UGT1A7: variants seen among roughly 807,000 people sequenced by gnomAD.
UGT1A7 encodes the protein UDP-glucuronosyltransferase 1A7.
In UGT1A7, 33 loss-of-function variants were observed where a neutral mutation model predicts 45.6. The observed-to-expected ratio is 0.72, with a 90% CI of 0.55 to 0.97. UGT1A7 has a LOEUF of 0.97. Among genes scored for constraint, UGT1A7 ranks in the 50% least tolerant of loss-of-function variants. The pLI is 0.00. For synonymous variants in UGT1A7, 274 were observed against 250.6 expected, an observed-to-expected ratio of 1.09 and a Z score of -0.88; for missense variants, 684 against 666.2, an observed-to-expected ratio of 1.03 and a Z score of -0.29.
At chr2:233,715,853 C>T (rs2076473292) in intron 1 of UGT1A7, among the ~76,000 whole-genome samples, 1 of 152,126 alleles carries the variant, frequency 6.6e-6, no homozygotes, top group Admixed American at 6.5e-5. Context: ...ATATGAAAAG[C>T]TGGGTGCAGT....
chr2:233,683,908 G>C (rs2074655994), intron 1 of UGT1A7, among the ~76,000 whole-genome samples: 1 of 152,088 alleles, frequency 6.6e-6, no homozygotes, highest in Admixed American at 6.6e-5. Context: ...TTTTGGCGGA[G>C]CATATAGTTC....
Position 233,682,564 on chromosome 2 carries a change from C to A in UGT1A7, c.627C>A (p.Asn209Lys), listed in dbSNP as rs780627101. The change falls in exon 1 of 5, where the codon AAC becomes AAA. Residue 209 changes from asparagine to lysine, a missense_variant. By Grantham distance (94) the Asn-to-Lys change is moderately conservative (BLOSUM62 0). Coordinates refer to ENST00000373426, the MANE Select transcript of UGT1A7 (RefSeq NM_019077.3). ...TGACTTTCAAGGAGAGAGTATGGAA[C>A]CACATCATGCACTTGGAGGAACATT... ...DAMTFKERVWNHIMHLEEHLF... is the reference protein window; with the variant it reads ...DAMTFKERVWKHIMHLEEHLF... 1 of 1,613,938 alleles carries A rather than the reference C, an allele frequency of 6.2e-7. No individual in the cohort carries two copies. The highest frequency in any genetic ancestry group is 1.7e-5 in the Admixed American group (1 of 60,016).
chr2:233,713,060 G>A (rs2076274457), intron 1 of UGT1A7: 1 of 1,614,168 alleles, frequency 6.2e-7, no homozygotes, highest in South Asian at 1.1e-5. Flanking sequence ...TCAGTGTCCA[G>A]CCCTGGGCTG....
intron 1 of UGT1A7, among the ~76,000 whole-genome samples, chr2:233,689,045 CTCT>C (rs2074924736): frequency 6.6e-6 from 1 of 152,196 alleles, no homozygotes; most frequent in Admixed American, 6.5e-5. Context: ...TACTTTATGT[CTCT>C]TCTGTATAAT....
At chr2:233,689,303 A>G (rs1203200538) in intron 1 of UGT1A7, among the ~76,000 whole-genome samples, 3 of 151,440 alleles carry the variant, frequency 2.0e-5, no homozygotes, top group Non-Finnish European at 4.4e-5. Context: ...CACCCAGCAC[A>G]GTAAGACCAA....
intron 1 of UGT1A7, among the ~76,000 whole-genome samples, chr2:233,727,126 AG>A (rs2077585315): frequency 1.3e-5 from 2 of 152,202 alleles, no homozygotes; most frequent in Non-Finnish European, 2.9e-5. Flanking sequence ...AGATTGGCAG[AG>A]GGGAACAAGA....
chr2:233,739,854 G>A (rs1377915953), intron 1 of UGT1A7, among the ~76,000 whole-genome samples: 3 of 151,892 alleles, frequency 2.0e-5, no homozygotes, highest in Non-Finnish European at 4.4e-5. Context: ...ATGGGCCAGA[G>A]GGCAGAATGA....
chr2:233,768,466 T>G (rs1161223448), intron 4 of UGT1A7, 27 bp downstream of exon 4: 2 of 1,605,760 alleles, frequency 1.2e-6, no homozygotes, highest in South Asian at 2.2e-5. Flanking sequence ...AGAAGAATAC[T>G]TTGGTCATGG....
intron 1 of UGT1A7, chr2:233,692,868 A>G: frequency 2.7e-6 from 4 of 1,483,334 alleles, no homozygotes; most frequent in Non-Finnish European, 3.6e-6. Flanking sequence ...TACATATCAA[A>G]GGGTAAAATT....
In UGT1A7 at chr2:233,768,310, C is replaced by G; in HGVS notation, c.1166C>G (p.Pro389Arg). 6.2e-7 allele frequency: 1 copy of G among 1,614,060 alleles called. No homozygotes were observed. Among genetic ancestry groups the G allele is most frequent in the Non-Finnish European group, 8.5e-7 (1 of 1,180,018 alleles). ...ICNGVPMVMM[P>R]LFGDQMDNAK... ...AATGGCGTTCCCATGGTGATGATGC[C>G]CTTGTTTGGTGATCAGATGGACAAT... The change falls in exon 4 of 5, where the codon CCC becomes CGC. Residue 389 changes from proline to arginine, a missense_variant. Physicochemically the swap from Pro to Arg is moderately radical, Grantham distance 103. Coordinates refer to ENST00000373426, the MANE Select transcript of UGT1A7 (RefSeq NM_019077.3).
At position 233,715,197 on chromosome 2, in the gene UGT1A7, C is replaced by T. The variant is rs534544158; in HGVS notation, c.855+32405C>T. 7.9e-5 allele frequency among the ~76,000 whole-genome samples: 12 copies of T among 152,300 alleles called. No individual in the cohort carries two copies. The South Asian group carries it at 2.5e-3, about 32-fold the overall frequency. ...CACCACACCTAGGCAATTTTTCTAT[C>T]TTTTAAAAGACCCTCTACTGAATCT... is the stretch of plus-strand genomic sequence containing the variant. On this transcript the variant is annotated intron_variant, in intron 1 of 4. Coordinates refer to ENST00000373426, the MANE Select transcript of UGT1A7 (RefSeq NM_019077.3).
chr2:233,695,707 A>C (rs767200635), intron 1 of UGT1A7, among the ~76,000 whole-genome samples: 1 of 152,126 alleles, frequency 6.6e-6, no homozygotes, highest in African/African-American at 2.4e-5. Context: ...TTCACCTAAC[A>C]TAATGACTTC....
intron 1 of UGT1A7, among the ~76,000 whole-genome samples, chr2:233,722,881 G>T (rs2077046984): frequency 7.8e-5 from 9 of 115,512 alleles, no homozygotes; most frequent in Admixed American, 2.8e-4. Context: ...TAAATTTATT[G>T]CTCATTAAGT....
intron 1 of UGT1A7, among the ~76,000 whole-genome samples, chr2:233,757,579 A>G (rs962970301): frequency 1.1e-5 from 1 of 92,092 alleles, no homozygotes; most frequent in Non-Finnish European, 2.2e-5. Flanking sequence ...TGATATAGCT[A>G]TAGTCTAATA....
intron 1 of UGT1A7, among the ~76,000 whole-genome samples, chr2:233,735,255 T>C (rs1489550965): frequency 6.6e-6 from 1 of 152,240 alleles, no homozygotes; most frequent in Non-Finnish European, 1.5e-5. Flanking sequence ...ATTGCTCCCT[T>C]TACCATTATG....
In UGT1A7 at chr2:233,755,120, A is replaced by G. The variant is rs768427236; in HGVS notation, c.856-11914A>G. 115 of 1,328,248 alleles carry G rather than the reference A, an allele frequency of 8.7e-5. 2 individuals are homozygous for G. Among genetic ancestry groups the G allele is most frequent in the Admixed American group, 1.9e-4 (10 of 52,520 alleles). 82.3% of individuals were successfully genotyped at this position (1,328,248 alleles called of 1,614,324 possible). On this transcript the variant is annotated intron_variant, in intron 1 of 4. Transcript: ENST00000373426. ...CGTCCGACAACACCTCGTAGGCCTC[A>G]GCCACCTGCTTGAATCTTCTCACCG...
At chr2:233,729,993 G>C in intron 1 of UGT1A7, 4 of 1,613,886 alleles carry the variant, frequency 2.5e-6, no homozygotes, top group Non-Finnish European at 3.4e-6. Context: ...CACTATCTCA[G>C]GTCTGTATTG....
intron 1 of UGT1A7, among the ~76,000 whole-genome samples, chr2:233,762,024 AT>A (rs967311965): frequency 2.6e-5 from 4 of 151,856 alleles, no homozygotes; most frequent in Non-Finnish European, 4.4e-5. Context: ...TTTGTATTTT[AT>A]TTTTTTTAAT....
intron 1 of UGT1A7, among the ~76,000 whole-genome samples, chr2:233,714,805 A>G (rs1160418646): frequency 6.6e-6 from 1 of 152,250 alleles, no homozygotes; most frequent in Non-Finnish European, 1.5e-5. Flanking sequence ...CTCAATATTC[A>G]TATGTAGTTA....
Sources: allele counts gnomAD v4.1 joint callset (sites outside exome capture counted in the v4.1 genomes callset), GRCh38; gene constraint gnomAD v4.1.1; transcripts MANE v1.5; gene names NCBI Gene and HGNC (gene_info 2026-07-23, HGNC 2026-07-21).